Variants in PLCB4 observed in about 807,000 individuals in gnomAD.
PLCB4 encodes the protein phospholipase C beta 4.
Under a neutral mutation model 178.8 loss-of-function variants are expected in PLCB4, and 77 were observed. The ratio of observed to expected loss-of-function variants is 0.43; its 90% confidence interval spans 0.36 to 0.52. PLCB4 has a LOEUF of 0.52. PLCB4 is among the 20% of genes least tolerant of loss of function. The pLI is 0.00. For synonymous variants in PLCB4, 496 were observed against 490.8 expected (o/e 1.01, Z -0.14); for missense variants, 1,024 against 1,453.4 (o/e 0.70, Z 4.80).
chr20:9,289,891 A>G (rs1184758856), intron 3 of PLCB4, among the ~76,000 whole-genome samples: 1 of 152,138 alleles, frequency 6.6e-6, no homozygotes, highest in Non-Finnish European at 1.5e-5. Context: ...ATGTAAAAAT[A>G]CTTGGTAAAT....
At chr20:9,085,842 G>T (rs1165393169) in intron 1 of PLCB4, among the ~76,000 whole-genome samples, 1 of 151,962 alleles carries the variant, frequency 6.6e-6, no homozygotes, top group East Asian at 1.9e-4. Flanking sequence ...TATTATACGG[G>T]GATTGGTCTT....
At chr20:9,400,745 A>G (rs1377867578) in intron 19 of PLCB4, among the ~76,000 whole-genome samples, 1 of 152,154 alleles carries the variant, frequency 6.6e-6, no homozygotes, top group Non-Finnish European at 1.5e-5. Context: ...ATTTTCCAGC[A>G]GGTACTTCTT....
intron 3 of PLCB4, among the ~76,000 whole-genome samples, chr20:9,253,516 T>G (rs1423650116): frequency 6.6e-6 from 1 of 152,170 alleles, no homozygotes; most frequent in Non-Finnish European, 1.5e-5. Context: ...TGGGTTTCCC[T>G]TCCCTGTTGC....
At chr20:9,107,607 G>A (rs945448703) in intron 2 of PLCB4, among the ~76,000 whole-genome samples, 1 of 152,240 alleles carries the variant, frequency 6.6e-6, no homozygotes, top group Middle Eastern at 3.4e-3. Context: ...GAGCAAGGAA[G>A]CCCCGGATTG....
At chr20:9,080,873 CT>C (rs1366168447) in intron 1 of PLCB4, among the ~76,000 whole-genome samples, 1 of 152,182 alleles carries the variant, frequency 6.6e-6, no homozygotes, top group Non-Finnish European at 1.5e-5. Context: ...TCACTCCAAA[CT>C]TGTGTCTCCT....
intron 3 of PLCB4, among the ~76,000 whole-genome samples, chr20:9,280,949 C>T (rs199729492): frequency 3.6e-5 from 3 of 83,010 alleles, no homozygotes; most frequent in Non-Finnish European, 8.6e-5. Flanking sequence ...ACATCTGCTA[C>T]AAAAAAAAAA....
intron 1 of PLCB4, among the ~76,000 whole-genome samples, chr20:9,092,503 A>G (rs538628665): frequency 2.6e-5 from 4 of 152,172 alleles, no homozygotes; most frequent in Non-Finnish European, 4.4e-5. Flanking sequence ...TATAGGGTGC[A>G]TCGCAGTTAG....
At chr20:9,413,475 C>T (rs1294912766) in intron 25 of PLCB4, among the ~76,000 whole-genome samples, 10 of 151,808 alleles carry the variant, frequency 6.6e-5, no homozygotes, top group South Asian at 2.1e-4. Context: ...CTGGCTAACA[C>T]GGCGAAATCC....
intron 36 of PLCB4, among the ~76,000 whole-genome samples, chr20:9,472,321 T>C (rs1231001622): frequency 1.3e-5 from 2 of 152,228 alleles, no homozygotes; most frequent in African/African-American, 4.8e-5. Flanking sequence ...CAACAGTCTG[T>C]GGTTTTTATC....
At chr20:9,177,317 G>T (rs919975733) in intron 2 of PLCB4, among the ~76,000 whole-genome samples, 1 of 152,134 alleles carries the variant, frequency 6.6e-6, no homozygotes, top group Non-Finnish European at 1.5e-5. Flanking sequence ...CGATGTGGTT[G>T]AATGGGTTTG....
intron 25 of PLCB4, among the ~76,000 whole-genome samples, chr20:9,416,259 A>G (rs1391056669): frequency 1.3e-5 from 2 of 152,132 alleles, no homozygotes; most frequent in African/African-American, 2.4e-5. Context: ...CTGAGATGTC[A>G]TTGTGATCCC....
chr20:9,175,336 C>A (rs2147061981), intron 2 of PLCB4, among the ~76,000 whole-genome samples: 1 of 152,308 alleles, frequency 6.6e-6, no homozygotes, highest in African/African-American at 2.4e-5. Context: ...TTTATGCATT[C>A]ATTTGTTTAG....
intron 2 of PLCB4, among the ~76,000 whole-genome samples, chr20:9,181,329 CTG>C (rs2093242679): frequency 6.6e-6 from 1 of 152,166 alleles, no homozygotes; most frequent in Non-Finnish European, 1.5e-5. Flanking sequence ...ATATTGATCA[CTG>C]TTAAAGGTGT....
intron 17 of PLCB4, among the ~76,000 whole-genome samples, chr20:9,391,300 G>A (rs1267800620): frequency 6.6e-6 from 1 of 152,048 alleles, no homozygotes; most frequent in Non-Finnish European, 1.5e-5. Context: ...TCATTCTAGA[G>A]AGTTAATCAC....
rs569518081 is a variant in PLCB4 at position 9,456,339 on chromosome 20, C to T, written c.2997-1075C>T. Among the ~76,000 whole-genome samples the T allele has an allele frequency of 3.8e-4, 58 of 152,164 alleles. 1 individual carries two copies. Among genetic ancestry groups the T allele is most frequent in the Non-Finnish European group, 5.6e-4 (38 of 68,036 alleles). On this transcript the variant is annotated intron_variant, in intron 33 of 39. Transcript: ENST00000378473. ...TGCTTCCAGCTTTGGCTAATGACTACCTCTCATATGCTTTCCACTCAAGGA... is the reference window on the plus strand; with the variant it reads ...TGCTTCCAGCTTTGGCTAATGACTATCTCTCATATGCTTTCCACTCAAGGA...
At chr20:9,252,965 T>C (rs111731816) in intron 3 of PLCB4, among the ~76,000 whole-genome samples, 22 of 152,176 alleles carry the variant, frequency 1.4e-4, no homozygotes, top group African/African-American at 4.6e-4. Flanking sequence ...AGACAGAAGA[T>C]TGTGGGACTT....
chr20:9,427,801 T>A (rs2041128960), intron 28 of PLCB4, among the ~76,000 whole-genome samples: 1 of 152,158 alleles, frequency 6.6e-6, no homozygotes, highest in Non-Finnish European at 1.5e-5. Context: ...GGGGAGCAAA[T>A]AAGAGAGTTG....
intron 12 of PLCB4, among the ~76,000 whole-genome samples, chr20:9,373,337 A>T (rs2036406557): frequency 6.6e-6 from 1 of 152,280 alleles, no homozygotes; most frequent in East Asian, 1.9e-4. Context: ...TGTTACATGT[A>T]GCTCTGGTTC....
Position 9,250,057 on chromosome 20 carries a change from C to T in PLCB4, c.-16+32605C>T, listed in dbSNP as rs561092501. On this transcript the variant is annotated intron_variant, in intron 3 of 39. Transcript: ENST00000378473. ...TAAGAGAATAGTGTCTTCATATGCA[C>T]CATTGCCTCTAAGCAGCAAATAATT... Among the ~76,000 whole-genome samples the T allele has an allele frequency of 3.1e-4, 47 of 152,286 alleles. 1 individual carries two copies. The South Asian group carries it at 9.3e-3, about 30-fold the overall frequency.
Sources: gnomAD v4.1 joint callset for allele counts (sites outside exome capture counted in the v4.1 genomes callset) on GRCh38, gnomAD v4.1.1 for gene constraint, MANE v1.5 for transcripts, NCBI Gene and HGNC (gene_info 2026-07-23, HGNC 2026-07-21) for gene names.